The following PNPLA6 variants were observed in gnomAD, a reference collection of about 807,000 sequenced individuals.
PNPLA6 encodes patatin like domain 6, lysophospholipase.
In PNPLA6, 105 loss-of-function variants were observed where a neutral mutation model predicts 153.7. That is an observed-to-expected ratio of 0.68 (90% CI 0.58 to 0.80). The LOEUF is 0.80. Ranked by LOEUF, PNPLA6 falls within the 30% of genes least tolerant of loss-of-function variation. The pLI is 0.00. For synonymous variants in PNPLA6, 825 were observed against 822.2 expected (o/e 1.00, Z -0.06); for missense variants, 1,423 against 1,919.3 (o/e 0.74, Z 4.83).
chr19:7,559,840 T>C (rs2024028679), intron 28 of PNPLA6, among the ~76,000 whole-genome samples: 1 of 142,828 alleles, frequency 7.0e-6, no homozygotes, highest in African/African-American at 2.6e-5. Context: ...CAAAACTCTG[T>C]CTCTAAGAAA....
At chr19:7,561,354 C>T (rs992983957) in intron 31 of PNPLA6, 37 bp downstream of exon 31, 1 of 1,503,194 alleles carries the variant, frequency 6.7e-7, no homozygotes, top group African/African-American at 1.4e-5. Context: ...TCACATCCCC[C>T]AGAGGGTCAT....
chr19:7,559,929 C>T (rs576096977), intron 28 of PNPLA6, among the ~76,000 whole-genome samples: 2 of 151,984 alleles, frequency 1.3e-5, no homozygotes, highest in Admixed American at 6.6e-5. Flanking sequence ...CACTTGAAGT[C>T]AGGAGTTCAA....
Position 7,560,656 on chromosome 19 carries a change from C to CT in PNPLA6, c.3709dup (p.Tyr1237LeufsTer18). Reference sequence around the variant, plus strand: ...CCCCTCATTTCCCACAGGATGTGGGCTACCAGTACGGGAAGGCGGTGTTTG... The same window carrying CT: ...CCCCTCATTTCCCACAGGATGTGGGCTTACCAGTACGGGAAGGCGGTGTTTG... On this transcript the variant is annotated frameshift_variant, in exon 29 of 32. Coordinates refer to ENST00000600737, the MANE Select transcript of PNPLA6 (RefSeq NM_001166114.2). LOFTEE classifies it high-confidence loss of function. 6.2e-7 allele frequency: 1 copy of CT among 1,611,360 alleles called. No individual in the cohort carries two copies. The highest frequency in any genetic ancestry group is 8.5e-7 in the Non-Finnish European group (1 of 1,177,534).
chr19:7,553,371 C>T (rs914096848), intron 18 of PNPLA6, among the ~76,000 whole-genome samples: 2 of 152,228 alleles, frequency 1.3e-5, no homozygotes, highest in Non-Finnish European at 2.9e-5. Context: ...CCTGCCTCAG[C>T]CTCCCAAGTA....
intron 10 of PNPLA6, 163 bp from the exon 11 acceptor site, chr19:7,542,398 T>G: frequency 1.5e-6 from 1 of 679,110 alleles, no homozygotes; most frequent in Non-Finnish European, 2.7e-6. Flanking sequence ...GCAGTGGTGC[T>G]GTCATAGCTC....
chr19:7,560,978 G>A, intron 29 of PNPLA6, 36 bp from the exon 30 acceptor site: 1 of 1,413,506 alleles, frequency 7.1e-7, no homozygotes, highest in South Asian at 1.2e-5. Flanking sequence ...GACTCTGTGG[G>A]CCCCCCCTAA....
intron 28 of PNPLA6, among the ~76,000 whole-genome samples, chr19:7,560,336 C>G (rs1046567851): frequency 3.6e-4 from 54 of 152,090 alleles, no homozygotes; most frequent in Non-Finnish European, 1.2e-4. Context: ...TGGCGACATC[C>G]ACAGATGTAC....
chr19:7,556,898 T>C (rs2023902339), intron 26 of PNPLA6, 174 bp downstream of exon 26: 1 of 697,956 alleles, frequency 1.4e-6, no homozygotes, highest in Non-Finnish European at 2.6e-6. Context: ...CCCAGGTACG[T>C]CCGTCCTTGG....
chr19:7,556,083 G>C (rs1199235368), intron 24 of PNPLA6, among the ~76,000 whole-genome samples: 1 of 97,288 alleles, frequency 1.0e-5, no homozygotes. Context: ...TTTTTTTTGA[G>C]ACTGAGTCTT....
chr19:7,554,508 T>C (rs2023784841), intron 20 of PNPLA6, 47 bp from the exon 21 acceptor site: 13 of 1,607,728 alleles, frequency 8.1e-6, no homozygotes, highest in Non-Finnish European at 1.0e-5. Flanking sequence ...GGGAGCACAC[T>C]GACCCCAGGC....
At position 7,561,552 on chromosome 19, in the gene PNPLA6, C is replaced by T; in HGVS notation, c.4088C>T (p.Thr1363Ile). The change falls in exon 32 of 32, where the codon ACA (threonine) becomes ATA (isoleucine). Residue 1363 changes from threonine (T) to isoleucine (I), a missense_variant. By Grantham distance (89) the Thr-to-Ile change is moderately conservative. Transcript: ENST00000600737. ...CCCCAGGAGCCGCCCGGCTCAGCCACAGATGCCTGAGGACCTCGACAGGGG... is the reference window on the plus strand; with the variant it reads ...CCCCAGGAGCCGCCCGGCTCAGCCATAGATGCCTGAGGACCTCGACAGGGG... ...CLPQEPPGSA[T>I]DA The T allele has an allele frequency of 1.2e-6, 2 of 1,603,482 alleles. No individual in the cohort carries two copies. Among genetic ancestry groups the T allele is most frequent in the Non-Finnish European group, 8.5e-7 (1 of 1,176,316 alleles).
At chr19:7,556,754 C>T (rs779730441) in intron 26 of PNPLA6, 30 bp downstream of exon 26, 53 of 1,535,018 alleles carry the variant, frequency 3.5e-5, no homozygotes, top group South Asian at 1.3e-4. Context: ...CTGCAGCAAC[C>T]GCTGACGCCA....
In PNPLA6 at chr19:7,557,217, G is replaced by T; in HGVS notation, c.3330G>T (p.Leu1110=). 1 of 1,613,498 alleles carries T rather than the reference G, an allele frequency of 6.2e-7. No individual in the cohort carries two copies. The change falls in exon 27 of 32, where the codon CTG becomes CTT. Residue 1110 remains leucine, a synonymous_variant. Coordinates refer to ENST00000600737, the MANE Select transcript of PNPLA6 (RefSeq NM_001166114.2). ...CCAGCATGACGCTGTCGGGCTACCT[G>T]CCCCCGCTGTGCGACCCCAAGGACG... is the stretch of plus-strand genomic sequence containing the variant. ...VRASMTLSGY[L]PPLCDPKDGH...
At chr19:7,546,567 C>A (rs981053463) in intron 13 of PNPLA6, among the ~76,000 whole-genome samples, 2 of 151,994 alleles carry the variant, frequency 1.3e-5, no homozygotes, top group Non-Finnish European at 2.9e-5. Flanking sequence ...CCTGGCCATG[C>A]CCACCTAATT....
At chr19:7,557,457 A>C (rs2023932254) in intron 27 of PNPLA6, 173 bp downstream of exon 27, 1 of 675,404 alleles carries the variant, frequency 1.5e-6, no homozygotes, top group African/African-American at 1.8e-5. Context: ...ATGATACATG[A>C]ATGTGCCTGT....
chr19:7,555,967 A>G lies in PNPLA6; in HGVS notation c.3093+204A>G, dbSNP rs2023861238. 6.7e-6 allele frequency among the ~76,000 whole-genome samples: 1 copy of G among 150,018 alleles called. No individual in the cohort carries two copies. The highest frequency in any genetic ancestry group is 2.5e-5 in the African/African-American group (1 of 40,592). On this transcript the variant is annotated intron_variant, in intron 24 of 31. Transcript: ENST00000600737. The surrounding 1 kb of genome is among the most constrained non-coding windows in gnomAD (Gnocchi z 6.3). ...TGGGACCTCCTGTCTACTGACCCTA[A>G]CCCATAACCCCCAACGAGAGCACCC... is the stretch of plus-strand genomic sequence containing the variant.
intron 13 of PNPLA6, among the ~76,000 whole-genome samples, chr19:7,544,108 C>T (rs527263916): frequency 2.0e-4 from 30 of 149,758 alleles, no homozygotes; most frequent in African/African-American, 6.1e-4. Flanking sequence ...CCACTGCGCC[C>T]GGCCTTTTTT....
At chr19:7,543,369 G>A (rs2023243525) in intron 13 of PNPLA6, among the ~76,000 whole-genome samples, 1 of 152,024 alleles carries the variant, frequency 6.6e-6, no homozygotes, top group Admixed American at 6.5e-5. Flanking sequence ...GGCTCTTCCT[G>A]TAATTCTGTT....
At chr19:7,548,535 C>G (rs2023485904) in intron 13 of PNPLA6, among the ~76,000 whole-genome samples, 1 of 151,970 alleles carries the variant, frequency 6.6e-6, no homozygotes, top group African/African-American at 2.4e-5. Context: ...TAAATCATCT[C>G]GAGATTACTT....
Sources: gnomAD v4.1 joint callset for allele counts (sites outside exome capture counted in the v4.1 genomes callset) on GRCh38, gnomAD v4.1.1 for gene constraint, Gnocchi (gnomAD v3.1) non-coding constraint, MANE v1.5 for transcripts, NCBI Gene and HGNC (gene_info 2026-07-23, HGNC 2026-07-21) for gene names.